The following CEP192 variants were observed in gnomAD, a reference collection of about 807,000 sequenced individuals.
The protein encoded by CEP192 is centrosomal protein 192, also known as centrosomal protein of 192 kDa.
Under a neutral mutation model 271.8 loss-of-function variants are expected in CEP192, and 151 were observed. The ratio of observed to expected loss-of-function variants is 0.56; its 90% confidence interval spans 0.49 to 0.64. The LOEUF is 0.64. Ranked by LOEUF, CEP192 falls within the 30% of genes least tolerant of loss-of-function variation. The pLI, the probability that CEP192 is intolerant of heterozygous loss-of-function variation, is 0.00. For synonymous variants in CEP192, 995 were observed against 1,076.5 expected (o/e 0.92, Z 1.48); for missense variants, 2,910 against 3,020.5 (o/e 0.96, Z 0.86).
At position 13,056,245 on chromosome 18, in the gene CEP192, A is replaced by G; in HGVS notation, c.3655A>G (p.Thr1219Ala). Residue 1219 changes from threonine to alanine, a missense_variant, in exon 19 of 45, where the codon ACC becomes GCC. Transcript: ENST00000506447. The stretch of plus-strand genomic sequence containing the variant: ...GTTCAGTGGCCAGGTTTCTCATCAG[A>G]CCACCTCTGAAAACCAGTGTACTCC... ...REFSGQVSHQ[T>A]TSENQCTPIP... The G allele has an allele frequency of 6.2e-7, 1 of 1,613,840 alleles. No individual in the cohort carries two copies. Among genetic ancestry groups the G allele is most frequent in the Non-Finnish European group, 8.5e-7 (1 of 1,179,812 alleles).
At position 13,046,659 on chromosome 18, in the gene CEP192, T is replaced by A. The variant is rs573044822; in HGVS notation, c.2068-2200T>A. 9.1e-4 allele frequency among the ~76,000 whole-genome samples: 139 copies of A among 152,104 alleles called. 2 individuals are homozygous for A. In the South Asian group the frequency reaches 0.027, roughly 29 times the overall value. On this transcript the variant is annotated intron_variant, in intron 15 of 44. Coordinates refer to ENST00000506447, the MANE Select transcript of CEP192 (RefSeq NM_032142.4). ...TTTGTTTTCTTTTAAATGTCTTATT[T>A]GGCATTCCAAGGATCACAAAATACT...
At chr18:13,055,639 A>G in intron 18 of CEP192, 141 bp from the exon 19 acceptor site, 1 of 562,532 alleles carries the variant, frequency 1.8e-6, no homozygotes, top group Non-Finnish European at 3.1e-6. Flanking sequence ...CTGCAAGACT[A>G]CTATTTTTGT....
chr18:13,081,392 A>G (rs958281396), intron 30 of CEP192, among the ~76,000 whole-genome samples: 1 of 152,164 alleles, frequency 6.6e-6, no homozygotes, highest in Middle Eastern at 3.4e-3. Context: ...GGAATTTACC[A>G]TTTCTTCTAG....
intron 17 of CEP192, among the ~76,000 whole-genome samples, chr18:13,052,546 G>C (rs1456281523): frequency 6.6e-6 from 1 of 152,154 alleles, no homozygotes; most frequent in Non-Finnish European, 1.5e-5. Context: ...GTGTGTGACT[G>C]TTCCCATTTC....
intron 30 of CEP192, among the ~76,000 whole-genome samples, chr18:13,079,021 T>TA (rs2038445065): frequency 6.6e-6 from 1 of 152,232 alleles, no homozygotes; most frequent in African/African-American, 2.4e-5. Flanking sequence ...CACATTTTCT[T>TA]AATCCAGTCT....
chr18:13,023,552 T>G (rs1359112623), intron 9 of CEP192, among the ~76,000 whole-genome samples: 1 of 152,074 alleles, frequency 6.6e-6, no homozygotes, highest in African/African-American at 2.4e-5. Context: ...GATTTTTGAT[T>G]GTTGAACCAG....
chr18:13,120,350 A>G (rs746044709), intron 44 of CEP192, among the ~76,000 whole-genome samples: 1 of 152,322 alleles, frequency 6.6e-6, no homozygotes, highest in South Asian at 2.1e-4. Flanking sequence ...CTTTTGAGAT[A>G]TGAAATGTGT....
chr18:13,050,583 T>C (rs2036729576), intron 17 of CEP192, among the ~76,000 whole-genome samples: 1 of 151,818 alleles, frequency 6.6e-6, no homozygotes, highest in Non-Finnish European at 1.5e-5. Flanking sequence ...TGCTTTTTTT[T>C]TTTTCTTTTT....
chr18:13,108,316 A>T (rs2040051166), intron 40 of CEP192, among the ~76,000 whole-genome samples: 1 of 150,022 alleles, frequency 6.7e-6, no homozygotes, highest in African/African-American at 2.5e-5. Flanking sequence ...GACCTAATTA[A>T]ACTAAAGAGC....
intron 44 of CEP192, among the ~76,000 whole-genome samples, chr18:13,122,832 C>CGTGTGT (rs59158168): frequency 9.4e-4 from 141 of 150,450 alleles, no homozygotes; most frequent in Middle Eastern, 3.5e-3. Flanking sequence ...TACCTTTTCC[C>CGTGTGT]GTGTGTGTGT....
Position 13,017,265 on chromosome 18 carries a change from A to C in CEP192, c.718A>C (p.Ile240Leu), listed in dbSNP as rs1251900062. The change falls in exon 7 of 45, where the codon ATA becomes CTA. Residue 240 changes from isoleucine to leucine, a missense_variant. By Grantham distance (5) the Ile-to-Leu change is conservative. Transcript: ENST00000506447. The part of the protein sequence containing the change: ...YFEQLAIPGM[I>L]YEDLEGPEPP... ...TGAACAACTGGCAATTCCAGGAATG[A>C]TATATGAAGACCTAGAAGGACCAGA... The C allele has an allele frequency of 1.9e-6, 3 of 1,550,198 alleles. No homozygotes were observed. In the African/African-American group the frequency reaches 4.1e-5, roughly 21 times the overall value.
At chr18:13,061,744 A>AT (rs1251704409) in intron 21 of CEP192, among the ~76,000 whole-genome samples, 3 of 152,114 alleles carry the variant, frequency 2.0e-5, no homozygotes, top group African/African-American at 7.2e-5. Flanking sequence ...GGGCTAGAAG[A>AT]TTTTTTGAGG....
At position 13,038,473 on chromosome 18, in the gene CEP192, A is replaced by T. The variant is rs2036029575; in HGVS notation, c.1703A>T (p.Asp568Val). 13 of 1,551,432 alleles carry T rather than the reference A, an allele frequency of 8.4e-6. No homozygotes were observed. The highest frequency in any genetic ancestry group is 1.1e-5 in the Non-Finnish European group (13 of 1,146,758). ...SLLRKSRSTS[D>V]LDKDDASYLR... ...TTGAGGAAATCACGTAGCACATCAG[A>T]TTTGGATAAAGATGATGCCAGTTAT... The change falls in exon 13 of 45, where the codon GAT becomes GTT. Residue 568 changes from aspartate (D) to valine (V), a missense_variant. By Grantham distance (152) the Asp-to-Val change is radical. Transcript: ENST00000506447.
chr18:13,055,842 A>G lies in CEP192; in HGVS notation c.3252A>G (p.Glu1084=). The G allele has an allele frequency of 1.2e-6, 2 of 1,612,192 alleles. No homozygotes were observed. Among genetic ancestry groups the G allele is most frequent in the Non-Finnish European group, 1.7e-6 (2 of 1,179,220 alleles). Residue 1084 remains glutamate, a synonymous_variant, in exon 19 of 45, where the codon GAA becomes GAG. Coordinates refer to ENST00000506447, the MANE Select transcript of CEP192 (RefSeq NM_032142.4). ...IIQGSPAALE[E]RAMEKLREKV... ...AAGGCAGTCCAGCCGCATTGGAGGA[A>G]CGGGCTATGGAAAAATTGAGAGAAA...
At chr18:13,096,638 A>G (rs962046775) in intron 36 of CEP192, among the ~76,000 whole-genome samples, 3 of 152,216 alleles carry the variant, frequency 2.0e-5, no homozygotes, top group Non-Finnish European at 4.4e-5. Context: ...AAGGAATGCA[A>G]CTGGACATGG....
At chr18:13,088,829 C>T (rs2039011520) in intron 32 of CEP192, 4 of 424,106 alleles carry the variant, frequency 9.4e-6, no homozygotes, top group Non-Finnish European at 1.9e-5. Flanking sequence ...AAATACAAAG[C>T]TTGCCTTTGA....
intron 44 of CEP192, among the ~76,000 whole-genome samples, chr18:13,123,832 G>A (rs971821648): frequency 2.6e-5 from 4 of 152,140 alleles, no homozygotes; most frequent in African/African-American, 4.8e-5. Flanking sequence ...TCTATATACT[G>A]TAATCTGAAA....
intron 12 of CEP192, among the ~76,000 whole-genome samples, chr18:13,038,169 C>CA (rs1446871587): frequency 1.3e-5 from 2 of 151,960 alleles, no homozygotes; most frequent in African/African-American, 4.8e-5. Context: ...CTCAAGTGTT[C>CA]AAAAATACTC....
intron 9 of CEP192, chr18:13,024,482 G>A (rs2035177887): frequency 2.8e-6 from 1 of 358,622 alleles, no homozygotes; most frequent in African/African-American, 2.2e-5. Flanking sequence ...TTTATTTTTT[G>A]AGGTGGAGTC....
Sources: allele counts gnomAD v4.1 joint callset (sites outside exome capture counted in the v4.1 genomes callset), GRCh38; gene constraint gnomAD v4.1.1; transcripts MANE v1.5; gene names NCBI Gene and HGNC (gene_info 2026-07-23, HGNC 2026-07-21).